SLF2: variants seen among roughly 807,000 people sequenced by gnomAD.
The protein encoded by SLF2 is SMC5-SMC6 complex localization factor protein 2.
A neutral mutation model predicts 124.3 loss-of-function variants in SLF2; 68 were observed. That is an observed-to-expected ratio of 0.55 (90% CI 0.45 to 0.67). SLF2 has a LOEUF of 0.67. Ranked by LOEUF, SLF2 falls within the 30% of genes least tolerant of loss-of-function variation. The pLI is 0.00. For missense variants in SLF2, 1,246 were observed against 1,373.7 expected (o/e 0.91, Z 1.47); for synonymous variants, 480 against 478.8 (o/e 1.00, Z -0.03).
chr10:100,949,316 C>T (rs1380354052), intron 15 of SLF2, among the ~76,000 whole-genome samples: 5 of 152,068 alleles, frequency 3.3e-5, no homozygotes, highest in Admixed American at 1.3e-4. Context: ...TTACTTTTTC[C>T]TTTTTTGCCC....
intron 17 of SLF2, among the ~76,000 whole-genome samples, chr10:100,953,918 C>G (rs1277180986): frequency 1.3e-5 from 2 of 152,072 alleles, no homozygotes; most frequent in East Asian, 4.0e-4. Context: ...TCCCAAAGTG[C>G]TGGTATTACA....
intron 18 of SLF2, 26 bp downstream of exon 18, chr10:100,956,563 T>G (rs761462917): frequency 5.9e-5 from 89 of 1,501,462 alleles, no homozygotes; most frequent in Middle Eastern, 1.8e-4. Flanking sequence ...CTTTTTTTCT[T>G]TTTTTTTTTC....
At chr10:100,957,091 G>A (rs1002842052) in intron 18 of SLF2, among the ~76,000 whole-genome samples, 5 of 152,070 alleles carry the variant, frequency 3.3e-5, no homozygotes, top group African/African-American at 1.2e-4. Flanking sequence ...TGACACCCAA[G>A]GAGAAAAATA....
rs142369123 is a variant in SLF2, at chr10:100,929,362, C to T, written c.2088C>T (p.Gly696=). 2,277 of 1,613,110 alleles carry T rather than the reference C, an allele frequency of 1.4e-3. 22 individuals are homozygous for T. The African/African-American group carries it at 0.025, about 18-fold the overall frequency. Residue 696 remains glycine, a synonymous_variant, in exon 7 of 20, where the codon GGC becomes GGT. Transcript: ENST00000238961. ...AACTACAAGAAGACATAAGGCAAGG[C>T]CGAGGCATTAAATCCCCAATCAGAA... ...QKQLQEDIRQ[G]RGIKSPIRIG...
chr10:100,944,802 A>G (rs1320611158), intron 12 of SLF2, among the ~76,000 whole-genome samples: 1 of 152,206 alleles, frequency 6.6e-6, no homozygotes, highest in Non-Finnish European at 1.5e-5. Flanking sequence ...AGACGGGTGG[A>G]TCACCTGAGG....
intron 16 of SLF2, 54 bp downstream of exon 16, chr10:100,950,261 C>A: frequency 6.5e-7 from 1 of 1,543,702 alleles, no homozygotes; most frequent in Non-Finnish European, 8.8e-7. Context: ...CTGTTATCAG[C>A]TTACTAACCA....
intron 12 of SLF2, among the ~76,000 whole-genome samples, chr10:100,945,042 A>AT (rs1002366400): frequency 9.9e-5 from 15 of 152,030 alleles, no homozygotes; most frequent in South Asian, 8.3e-4. Flanking sequence ...AAAAAAGAAG[A>AT]TAAAAAAAAA....
rs530701447 is a variant in SLF2, at chr10:100,938,169, T to C, written c.2513-426T>C. ...ATATTGAAAGCATCCACTGTAAAAG[T>C]GTAACATTTGCTTTCTCATCTTTGA... On this transcript the variant is annotated intron_variant, in intron 10 of 19. Transcript: ENST00000238961. 5.3e-5 allele frequency among the ~76,000 whole-genome samples: 8 copies of C among 152,314 alleles called. No homozygotes were observed. In the East Asian group the frequency reaches 1.5e-3, roughly 29 times the overall value.
intron 9 of SLF2, 132 bp downstream of exon 9, chr10:100,931,210 G>T: frequency 1.5e-6 from 1 of 678,708 alleles, no homozygotes. Flanking sequence ...CAGTGGCTTA[G>T]AATGTAGCAA....
rs780726100 is a variant in SLF2, at chr10:100,928,041, C to G, written c.2043-1276C>G. Among the ~76,000 whole-genome samples the G allele has an allele frequency of 1.1e-3, 48 of 45,084 alleles. 1 individual carries two copies. In the East Asian group the frequency reaches 0.014, roughly 13 times the overall value. The allele number at this position is 45,084 out of a possible 152,430, so 29.6% of individuals were successfully genotyped here. A position where few individuals can be genotyped will look rare whatever the true frequency, so the allele number is the denominator to read the frequency against. On this transcript the variant is annotated intron_variant, in intron 6 of 19. Transcript: ENST00000238961. The stretch of plus-strand genomic sequence containing the variant: ...AGAATTATGATGAACACCCCCCCCC[C>G]CCCCCACACACACACACACACACAC...
intron 17 of SLF2, among the ~76,000 whole-genome samples, chr10:100,952,461 T>C (rs1396632865): frequency 6.9e-6 from 1 of 144,332 alleles, no homozygotes; most frequent in Non-Finnish European, 1.5e-5. Context: ...GCAGGAGAAC[T>C]GCCTGAACCC....
At chr10:100,952,159 G>A (rs539167892) in intron 17 of SLF2, among the ~76,000 whole-genome samples, 3 of 152,134 alleles carry the variant, frequency 2.0e-5, no homozygotes, top group African/African-American at 7.2e-5. Flanking sequence ...CAGGAGAATC[G>A]CTTGAACCCA....
chr10:100,961,595 A>C (rs550468431), intron 19 of SLF2, among the ~76,000 whole-genome samples: 1 of 152,344 alleles, frequency 6.6e-6, no homozygotes, highest in South Asian at 2.1e-4. Flanking sequence ...TAGCAAAACT[A>C]TACTAATCAG....
rs1459951760 is a variant in SLF2, at chr10:100,964,089, A to G, written c.*2177A>G. ...GACTCTCTTTTAGCACAAGTAGCCCATGGTTTTTCTTCCAAATCAAGTATT... is the reference window on the plus strand; with the variant it reads ...GACTCTCTTTTAGCACAAGTAGCCCGTGGTTTTTCTTCCAAATCAAGTATT... On this transcript the variant is annotated 3_prime_UTR_variant, in exon 20 of 20. Coordinates refer to ENST00000238961, the MANE Select transcript of SLF2 (RefSeq NM_018121.4). The G allele has an allele frequency of 6.6e-6, 1 of 152,564 alleles. No homozygotes were observed. Among genetic ancestry groups the G allele is most frequent in the Non-Finnish European group, 1.5e-5 (1 of 68,032 alleles). The allele number at this position is 152,564 out of a possible 1,614,324, so 9.5% of individuals were successfully genotyped here. A position where few individuals can be genotyped will look rare whatever the true frequency, so the allele number is the denominator to read the frequency against.
rs1474161791 is a variant in SLF2 at position 100,923,971 on chromosome 10, T to A, written c.974-4T>A. 6.7e-7 allele frequency: 1 copy of A among 1,498,770 alleles called. No individual in the cohort carries two copies. Among genetic ancestry groups the A allele is most frequent in the Non-Finnish European group, 8.9e-7 (1 of 1,126,760 alleles). The allele number at this position is 1,498,770 out of a possible 1,614,324, so 92.8% of individuals were successfully genotyped here. ...TCACTAATCTAACAAAAATTAAATT[T>A]TAGCAGGCTCTAAGCAGAATAAATT... On this transcript the variant is annotated splice_region_variant and splice_polypyrimidine_tract_variant and intron_variant, in intron 4 of 19. Transcript: ENST00000238961.
At chr10:100,926,315 A>G (rs1849613200) in intron 6 of SLF2, 4 of 1,442,592 alleles carry the variant, frequency 2.8e-6, no homozygotes, top group Non-Finnish European at 3.6e-6. Flanking sequence ...TCTCAAATGA[A>G]AAAAAGAGGC....
intron 1 of SLF2, 57 bp from the exon 2 acceptor site, chr10:100,915,940 TGA>T: frequency 7.8e-7 from 1 of 1,283,624 alleles, no homozygotes; most frequent in Non-Finnish European, 1.1e-6. Context: ...CCATTTAATC[TGA>T]GTTATGAAGG....
At chr10:100,933,426 C>G (rs1305255182) in intron 9 of SLF2, among the ~76,000 whole-genome samples, 1 of 152,156 alleles carries the variant, frequency 6.6e-6, no homozygotes, top group African/African-American at 2.4e-5. Context: ...GGAGGCTTTA[C>G]CAACTTGTAA....
chr10:100,951,738 G>A (rs1850217033), intron 17 of SLF2, among the ~76,000 whole-genome samples: 4 of 152,164 alleles, frequency 2.6e-5, no homozygotes, highest in Admixed American at 6.5e-5. Flanking sequence ...CTTTTAGCTC[G>A]TTTCTTCCCA....
Sources: gnomAD v4.1 joint callset for allele counts (sites outside exome capture counted in the v4.1 genomes callset) on GRCh38, gnomAD v4.1.1 for gene constraint, MANE v1.5 for transcripts, NCBI Gene and HGNC (gene_info 2026-07-23, HGNC 2026-07-21) for gene names.